Variants in CALN1 observed in about 807,000 individuals in gnomAD.
The protein encoded by CALN1 is calcium-binding protein 8.
In CALN1, 17 loss-of-function variants were observed where a neutral mutation model predicts 30.6. The observed-to-expected ratio is 0.56, with a 90% confidence interval of 0.38 to 0.83. CALN1 has a LOEUF of 0.83. Ranked by LOEUF, CALN1 falls within the 40% of genes least tolerant of loss-of-function variation. The pLI is 0.00. For synonymous variants in CALN1, 156 were observed against 131.4 expected (o/e 1.19, Z -1.28); for missense variants, 291 against 354.9 (o/e 0.82, Z 1.45).
rs1173713032 is a variant in CALN1, at chr7:72,084,364, T to C, written c.388+21787A>G. On this transcript the variant is annotated intron_variant, in intron 4 of 6. Coordinates refer to ENST00000395275, the MANE Select transcript of CALN1 (RefSeq NM_031468.4). Reference sequence around the variant, plus strand: ...AAAGTAAAAGCTAAAACCATAAATCTTCCAGCAGAAAATGTAGTAAAATTT... The same window carrying C: ...AAAGTAAAAGCTAAAACCATAAATCCTCCAGCAGAAAATGTAGTAAAATTT... Among the ~76,000 whole-genome samples the C allele has an allele frequency of 8.6e-5, 13 of 150,914 alleles. No individual in the cohort carries two copies. In the Admixed American group the frequency reaches 8.7e-4, roughly 10 times the overall value.
At chr7:72,494,757 C>T in the CALN1 span, among the ~76,000 whole-genome samples, 1 of 152,098 alleles carries the variant, frequency 6.6e-6, no homozygotes, top group East Asian at 1.9e-4. Flanking sequence ...GTCCCAGCTA[C>T]TCAGGAGGCT....
intron 3 of CALN1, among the ~76,000 whole-genome samples, chr7:72,243,314 C>G (rs992699904): frequency 4.6e-5 from 7 of 152,212 alleles, no homozygotes; most frequent in Non-Finnish European, 8.8e-5. Context: ...TCTAGACTTC[C>G]TAGCCCTTTA....
intron 2 of CALN1, among the ~76,000 whole-genome samples, chr7:72,335,158 C>T (rs1199656989): frequency 6.6e-6 from 1 of 152,154 alleles, no homozygotes; most frequent in Non-Finnish European, 1.5e-5. Flanking sequence ...CCAACACCTC[C>T]TCCCACCCCA....
intron 5 of CALN1, among the ~76,000 whole-genome samples, chr7:71,844,975 T>G (rs1283463348): frequency 6.6e-6 from 1 of 152,088 alleles, no homozygotes; most frequent in East Asian, 1.9e-4. Context: ...CTGCAACCTC[T>G]GCCACCCGGG....
chr7:72,325,072 G>A (rs184332771), intron 2 of CALN1, among the ~76,000 whole-genome samples: 1 of 152,218 alleles, frequency 6.6e-6, no homozygotes, highest in Non-Finnish European at 1.5e-5. Flanking sequence ...GGCCAAGGCA[G>A]GAGAATTGCT....
intron 5 of CALN1, among the ~76,000 whole-genome samples, chr7:71,919,491 T>C (rs1584510337): frequency 1.3e-5 from 2 of 152,218 alleles, no homozygotes; most frequent in African/African-American, 4.8e-5. Context: ...GGAAAAGACA[T>C]AGTCCCTGAT....
chr7:72,205,554 A>ATATACATATATATG (rs1791785227), intron 3 of CALN1, among the ~76,000 whole-genome samples: 1 of 58,368 alleles, frequency 1.7e-5, no homozygotes, highest in Non-Finnish European at 2.7e-5. Context: ...AAAAAAAAAT[A>ATATACATATATATG]TATATATATA....
At chr7:72,212,221 C>T (rs1376908589) in intron 3 of CALN1, among the ~76,000 whole-genome samples, 5 of 151,828 alleles carry the variant, frequency 3.3e-5, no homozygotes, top group South Asian at 2.1e-4. Flanking sequence ...TGGTGGCAGG[C>T]ACCTGTAATC....
At chr7:72,497,433 C>G in the CALN1 span, among the ~76,000 whole-genome samples, 5 of 151,738 alleles carry the variant, frequency 3.3e-5, no homozygotes, top group African/African-American at 1.2e-4. Context: ...GAGTGAGACC[C>G]CATCTCAAAA....
At chr7:71,792,282 C>G (rs929149789) in intron 6 of CALN1, among the ~76,000 whole-genome samples, 1 of 152,166 alleles carries the variant, frequency 6.6e-6, no homozygotes, top group African/African-American at 2.4e-5. Context: ...TAAGATCTGA[C>G]TTACAGTGAC....
chr7:72,484,270 A>ATT, the CALN1 span, among the ~76,000 whole-genome samples: 24 of 151,138 alleles, frequency 1.6e-4, 1 homozygote, highest in Middle Eastern at 0.01. Flanking sequence ...AGTATTCTTG[A>ATT]TTTTTTTTTC....
chr7:72,075,234 C>T (rs1000441062), intron 4 of CALN1, among the ~76,000 whole-genome samples: 2 of 152,224 alleles, frequency 1.3e-5, no homozygotes, highest in African/African-American at 4.8e-5. Context: ...AGATAATCTG[C>T]TTTACACAGT....
intron 2 of CALN1, among the ~76,000 whole-genome samples, chr7:72,372,791 A>C (rs928646155): frequency 1.3e-5 from 2 of 152,192 alleles, no homozygotes; most frequent in African/African-American, 4.8e-5. Flanking sequence ...AAAAAATTCT[A>C]CATTATCCAT....
At chr7:72,440,187 G>A (rs910700551) in intron 1 of CALN1, among the ~76,000 whole-genome samples, 4 of 152,190 alleles carry the variant, frequency 2.6e-5, no homozygotes, top group Non-Finnish European at 4.4e-5. Context: ...AAATGATCAC[G>A]GGGTGGCACT....
chr7:71,840,746 C>G (rs151014912), intron 5 of CALN1, among the ~76,000 whole-genome samples: 1 of 152,112 alleles, frequency 6.6e-6, no homozygotes, highest in African/African-American at 2.4e-5. Flanking sequence ...TGAAATGAAG[C>G]AGCACTTATG....
intron 6 of CALN1, among the ~76,000 whole-genome samples, chr7:71,790,811 G>A (rs745829111): frequency 1.3e-5 from 2 of 152,136 alleles, no homozygotes; most frequent in South Asian, 2.1e-4. Context: ...ACATCCACTC[G>A]GGAGTTTCTG....
chr7:72,189,446 G>A (rs1045954605), intron 3 of CALN1, among the ~76,000 whole-genome samples: 1 of 152,186 alleles, frequency 6.6e-6, no homozygotes, highest in African/African-American at 2.4e-5. Context: ...AGGAATAAGT[G>A]TTGGACATTA....
At chr7:72,405,641 C>T (rs1159991944) in intron 1 of CALN1, among the ~76,000 whole-genome samples, 4 of 151,798 alleles carry the variant, frequency 2.6e-5, no homozygotes, top group South Asian at 2.1e-4. Flanking sequence ...CGGCACATGC[C>T]GAAACTCTTG....
At chr7:72,212,376 G>A (rs962333343) in intron 3 of CALN1, among the ~76,000 whole-genome samples, 30 of 151,040 alleles carry the variant, frequency 2.0e-4, no homozygotes, top group Admixed American at 7.9e-4. Context: ...AATACCAGAG[G>A]GGGGAAGAAT....
Sources: gnomAD v4.1 joint callset for allele counts (sites outside exome capture counted in the v4.1 genomes callset) on GRCh38, gnomAD v4.1.1 for gene constraint, MANE v1.5 for transcripts, NCBI Gene and HGNC (gene_info 2026-07-23, HGNC 2026-07-21) for gene names.